Variants in DNAAF9 observed in about 807,000 individuals in gnomAD.
The protein encoded by DNAAF9 is dynein axonemal assembly factor 9.
Under a neutral mutation model 167.0 loss-of-function variants are expected in DNAAF9, and 90 were observed. That is an observed-to-expected ratio of 0.54 (90% CI 0.45 to 0.64). DNAAF9 has a LOEUF of 0.64. Among genes scored for constraint, DNAAF9 ranks in the 30% least tolerant of loss-of-function variants. The pLI is 0.00. For synonymous variants in DNAAF9, 491 were observed against 508.8 expected, an observed-to-expected ratio of 0.96 and a Z score of 0.47; for missense variants, 1,315 against 1,442.2, an observed-to-expected ratio of 0.91 and a Z score of 1.43.
At chr20:3,332,897 TGTG>T (rs753888605) in intron 10 of DNAAF9, among the ~76,000 whole-genome samples, 5 of 131,694 alleles carry the variant, frequency 3.8e-5, no homozygotes, top group East Asian at 2.2e-4. Context: ...CGTGTGTGCG[TGTG>T]GTGTGTGTGT....
At chr20:3,400,428 G>C (rs1332919438) in intron 1 of DNAAF9, among the ~76,000 whole-genome samples, 1 of 150,740 alleles carries the variant, frequency 6.6e-6, no homozygotes, top group Admixed American at 6.6e-5. Flanking sequence ...TTATATGTAA[G>C]ATCTTAATAT....
At chr20:3,399,362 A>AC (rs2083952663) in intron 1 of DNAAF9, among the ~76,000 whole-genome samples, 1 of 151,908 alleles carries the variant, frequency 6.6e-6, no homozygotes. Context: ...GGCACCTGCC[A>AC]CCATGCCTGG....
chr20:3,330,369 A>G (rs2069800086), intron 12 of DNAAF9, among the ~76,000 whole-genome samples: 1 of 152,098 alleles, frequency 6.6e-6, no homozygotes. Context: ...CAGCCTCCTG[A>G]GTAGCTGGGA....
At chr20:3,310,265 A>G (rs569826606) in intron 20 of DNAAF9, among the ~76,000 whole-genome samples, 489 of 147,830 alleles carry the variant, frequency 3.3e-3, no homozygotes, top group Non-Finnish European at 5.1e-3. Flanking sequence ...GAGAGAGAGA[A>G]AGAAAGAGAA....
chr20:3,317,205 T>A (rs2069518303), intron 17 of DNAAF9, among the ~76,000 whole-genome samples: 1 of 151,502 alleles, frequency 6.6e-6, no homozygotes, highest in South Asian at 2.1e-4. Context: ...CTACAAAAAA[T>A]ATGAAAAATT....
chr20:3,335,281 C>T (rs919484266), intron 10 of DNAAF9, among the ~76,000 whole-genome samples: 5 of 152,116 alleles, frequency 3.3e-5, no homozygotes, highest in African/African-American at 1.2e-4. Context: ...GGTCTTCCAG[C>T]AACAAATTCT....
At chr20:3,380,010 C>T (rs1472756060) in intron 3 of DNAAF9, among the ~76,000 whole-genome samples, 3 of 152,160 alleles carry the variant, frequency 2.0e-5, no homozygotes, top group Admixed American at 6.5e-5. Flanking sequence ...GAGCCAAGAT[C>T]GCACAACTGC....
intron 23 of DNAAF9, chr20:3,295,579 G>A (rs1158199531): frequency 1.1e-5 from 4 of 372,242 alleles, no homozygotes; most frequent in Non-Finnish European, 1.6e-5. Context: ...CTTCTTCAGG[G>A]CAACATGGTC....
chr20:3,381,789 A>T (rs2083657766), intron 2 of DNAAF9, among the ~76,000 whole-genome samples: 1 of 152,210 alleles, frequency 6.6e-6, no homozygotes, highest in African/African-American at 2.4e-5. Flanking sequence ...TTAGCTTAAG[A>T]ATAGGGGTCA....
chr20:3,388,362 T>C (rs975041763), intron 1 of DNAAF9, among the ~76,000 whole-genome samples: 1 of 152,048 alleles, frequency 6.6e-6, no homozygotes, highest in Non-Finnish European at 1.5e-5. Context: ...AAATTAAAAA[T>C]AGAATTACCA....
At chr20:3,379,007 C>T (rs2083611328) in intron 3 of DNAAF9, among the ~76,000 whole-genome samples, 2 of 151,596 alleles carry the variant, frequency 1.3e-5, no homozygotes, top group East Asian at 1.9e-4. Context: ...GCATATTGGT[C>T]CTTCTCACAC....
intron 14 of DNAAF9, 112 bp from the exon 15 acceptor site, chr20:3,322,808 C>T (rs2069640308): frequency 2.5e-6 from 2 of 807,032 alleles, no homozygotes; most frequent in Non-Finnish European, 4.4e-6. Context: ...TGTGTGTCAT[C>T]CTTGCTTTAC....
chr20:3,394,458 CT>C (rs1428143731), intron 1 of DNAAF9, among the ~76,000 whole-genome samples: 1 of 152,010 alleles, frequency 6.6e-6, no homozygotes, highest in Non-Finnish European at 1.5e-5. Context: ...GTAATTAAAT[CT>C]GTGTATCTTC....
chr20:3,320,306 C>T (rs955060481), intron 16 of DNAAF9, among the ~76,000 whole-genome samples: 5 of 152,190 alleles, frequency 3.3e-5, no homozygotes, highest in African/African-American at 1.2e-4. Context: ...TATAGGAATA[C>T]TTGTAGGGAG....
chr20:3,351,553 T>G (rs2070324785), intron 7 of DNAAF9, among the ~76,000 whole-genome samples: 1 of 150,996 alleles, frequency 6.6e-6, no homozygotes, highest in African/African-American at 2.4e-5. Context: ...AACAGACAGC[T>G]AGGGGGCAGG....
At chr20:3,297,115 T>C (rs1189135400) in intron 22 of DNAAF9, among the ~76,000 whole-genome samples, 166 bp from the exon 23 acceptor site, 4 of 152,202 alleles carry the variant, frequency 2.6e-5, no homozygotes, top group Non-Finnish European at 5.9e-5. Flanking sequence ...AATTTTGTTC[T>C]GTATTTTTAA....
At chr20:3,287,818 T>TG in intron 26 of DNAAF9, 28 bp from the exon 27 acceptor site, 1 of 1,610,452 alleles carries the variant, frequency 6.2e-7, no homozygotes, top group Non-Finnish European at 8.5e-7. Context: ...AACCTCTGCA[T>TG]GGGGGCCACC....
rs750114695 is a variant in DNAAF9 at position 3,255,306 on chromosome 20, G to A, written c.3262-22C>T. ...GCTTCTGCAGAGATGGGGAGTGGAGGGTCAGGTCCCAGCAGAACTCATGGA... is the reference window on the plus strand; with the variant it reads ...GCTTCTGCAGAGATGGGGAGTGGAGAGTCAGGTCCCAGCAGAACTCATGGA... On this transcript the variant is annotated intron_variant, in intron 34 of 36. Transcript: ENST00000252032. 6.7e-6 allele frequency: 10 copies of A among 1,502,506 alleles called. No homozygotes were observed. In the South Asian group the frequency reaches 1.1e-4, roughly 16 times the overall value. The allele number at this position is 1,502,506 out of a possible 1,614,324, so 93.1% of individuals were successfully genotyped here. A position where few individuals can be genotyped will look rare whatever the true frequency, so the allele number is the denominator to read the frequency against.
chr20:3,399,420 G>A (rs2083953350), intron 1 of DNAAF9, among the ~76,000 whole-genome samples: 1 of 152,078 alleles, frequency 6.6e-6, no homozygotes, highest in Non-Finnish European at 1.5e-5. Context: ...ATGCTCGCCA[G>A]GCTGGTCTTG....
Sources: gnomAD v4.1 joint callset for allele counts (sites outside exome capture counted in the v4.1 genomes callset) on GRCh38, gnomAD v4.1.1 for gene constraint, MANE v1.5 for transcripts, NCBI Gene and HGNC (gene_info 2026-07-23, HGNC 2026-07-21) for gene names.